CNTN4: variants seen among roughly 807,000 people sequenced by gnomAD.
The protein encoded by CNTN4 is contactin-4.
Under a neutral mutation model 122.5 loss-of-function variants are expected in CNTN4, and 77 were observed. That is an observed-to-expected ratio of 0.63 (90% CI 0.52 to 0.76). CNTN4 has a LOEUF of 0.76. Among genes scored for constraint, CNTN4 ranks in the 30% least tolerant of loss-of-function variants. The pLI, the probability that CNTN4 is intolerant of heterozygous loss-of-function variation, is 0.00. For synonymous variants in CNTN4, 512 were observed against 447.0 expected, an observed-to-expected ratio of 1.15 and a Z score of -1.83; for missense variants, 1,256 against 1,259.1, an observed-to-expected ratio of 1.00 and a Z score of 0.04.
intron 14 of CNTN4, among the ~76,000 whole-genome samples, chr3:2,992,507 T>G (rs1403546802): frequency 1.6e-4 from 24 of 152,188 alleles, no homozygotes; most frequent in Non-Finnish European, 4.4e-5. Flanking sequence ...TAAATCATGT[T>G]TATCTCTACA....
chr3:2,922,608 A>ATTTTTTT (rs547782541), intron 12 of CNTN4, among the ~76,000 whole-genome samples: 38 of 109,996 alleles, frequency 3.5e-4, no homozygotes, highest in African/African-American at 4.1e-4. Context: ...AAAGAACTTG[A>ATTTTTTT]TTTTTTTTTT....
At chr3:2,621,654 TTAAAAA>T (rs1248631925) in intron 4 of CNTN4, among the ~76,000 whole-genome samples, 1 of 151,902 alleles carries the variant, frequency 6.6e-6, no homozygotes, top group Admixed American at 6.6e-5. Context: ...AATAAAAAAA[TTAAAAA>T]TAAAACACCA....
Position 2,498,586 on chromosome 3 carries a change from C to G in CNTN4, c.-88-72830C>G, listed in dbSNP as rs553831463. Among the ~76,000 whole-genome samples, 13 of 151,900 alleles carry G rather than the reference C, an allele frequency of 8.6e-5. 1 individual carries two copies. In the South Asian group the frequency reaches 2.7e-3, roughly 32 times the overall value. On this transcript the variant is annotated intron_variant, in intron 3 of 24. Coordinates refer to ENST00000418658, the MANE Select transcript of CNTN4 (RefSeq NM_175607.3). Reference sequence around the variant, plus strand: ...GCCTTGGCCTCCCAGGCTCAAATGACCCTCCCACCTCAGCCTCCAGAGGAG... The same window carrying G: ...GCCTTGGCCTCCCAGGCTCAAATGAGCCTCCCACCTCAGCCTCCAGAGGAG...
chr3:2,214,871 A>T (rs1178518), intron 2 of CNTN4, among the ~76,000 whole-genome samples: 102,602 of 152,040 alleles, frequency 0.67, 34,840 homozygotes, highest in Non-Finnish European at 0.7. Flanking sequence ...ATTGGAGGTC[A>T]CTCAAAAAGA....
chr3:2,918,565 G>C (rs924649369), intron 12 of CNTN4, among the ~76,000 whole-genome samples: 2 of 152,200 alleles, frequency 1.3e-5, no homozygotes, highest in African/African-American at 2.4e-5. Flanking sequence ...CCAGCGTTCA[G>C]TGACTTCATG....
chr3:2,460,233 T>A (rs1559572127), intron 3 of CNTN4, among the ~76,000 whole-genome samples: 1 of 152,166 alleles, frequency 6.6e-6, no homozygotes, highest in African/African-American at 2.4e-5. Flanking sequence ...TATCCCTAGC[T>A]CAACCCTAAC....
At chr3:2,660,406 C>T (rs1489863692) in intron 4 of CNTN4, among the ~76,000 whole-genome samples, 1 of 152,096 alleles carries the variant, frequency 6.6e-6, no homozygotes, top group Non-Finnish European at 1.5e-5. Context: ...AAATAAACAG[C>T]GTGTGTTCAC....
intron 3 of CNTN4, among the ~76,000 whole-genome samples, chr3:2,561,149 T>C (rs2078936648): frequency 6.6e-6 from 1 of 152,064 alleles, no homozygotes; most frequent in African/African-American, 2.4e-5. Flanking sequence ...ATATATTAGG[T>C]ATTAGAGTGT....
At chr3:2,152,379 G>C (rs556915960) in intron 2 of CNTN4, among the ~76,000 whole-genome samples, 1 of 152,250 alleles carries the variant, frequency 6.6e-6, no homozygotes, top group Admixed American at 6.5e-5. Flanking sequence ...TGATTGAAAC[G>C]AGGTGCCGTC....
At chr3:2,651,773 G>A (rs1347008113) in intron 4 of CNTN4, among the ~76,000 whole-genome samples, 1 of 151,000 alleles carries the variant, frequency 6.6e-6, no homozygotes, top group Non-Finnish European at 1.5e-5. Flanking sequence ...TGCTATCTTG[G>A]CTCACTGCAA....
intron 11 of CNTN4, among the ~76,000 whole-genome samples, chr3:2,901,926 A>T (rs1160622651): frequency 6.6e-6 from 1 of 152,164 alleles, no homozygotes; most frequent in East Asian, 1.9e-4. Context: ...TTGCTTGAGG[A>T]TCAGCCTCCT....
chr3:2,717,407 T>C (rs2087562821), intron 4 of CNTN4, among the ~76,000 whole-genome samples: 1 of 152,200 alleles, frequency 6.6e-6, no homozygotes, highest in African/African-American at 2.4e-5. Context: ...TAAGTGCCCT[T>C]GGCTGGCGTT....
chr3:2,808,735 C>T (rs1354965011), intron 6 of CNTN4, among the ~76,000 whole-genome samples: 1 of 152,156 alleles, frequency 6.6e-6, no homozygotes, highest in African/African-American at 2.4e-5. Flanking sequence ...TGATTACATT[C>T]CAATTTTAAT....
chr3:2,567,973 C>T (rs11718965), intron 3 of CNTN4, among the ~76,000 whole-genome samples: 28,676 of 152,044 alleles, frequency 0.19, 2,819 homozygotes, highest in African/African-American at 0.24. Context: ...TTAGCACCTC[C>T]TGCTAAGTAA....
Position 2,877,603 on chromosome 3 carries a change from CT to C in CNTN4, c.653-5540del, listed in dbSNP as rs1404146783. ...TAGACTAAATTATATGTGTTCCTTA[CT>C]TCTACTTTGCCTTGGTTGTGTAGAC... On this transcript the variant is annotated intron_variant, in intron 8 of 24. Coordinates refer to ENST00000418658, the MANE Select transcript of CNTN4 (RefSeq NM_175607.3). Among the ~76,000 whole-genome samples the C allele has an allele frequency of 5.9e-5, 9 of 152,298 alleles. No homozygotes were observed. The East Asian group carries it at 1.3e-3, about 23-fold the overall frequency.
At chr3:2,262,737 T>C (rs2040886221) in intron 2 of CNTN4, among the ~76,000 whole-genome samples, 1 of 152,064 alleles carries the variant, frequency 6.6e-6, no homozygotes, top group Admixed American at 6.6e-5. Flanking sequence ...TATACTTAGT[T>C]AGGGTTAGAC....
intron 2 of CNTN4, among the ~76,000 whole-genome samples, chr3:2,197,184 A>G (rs1404282535): frequency 6.6e-6 from 1 of 152,074 alleles, no homozygotes; most frequent in Admixed American, 6.6e-5. Context: ...TCACTTCCCT[A>G]GTTCTCTCTT....
intron 3 of CNTN4, among the ~76,000 whole-genome samples, chr3:2,387,255 A>T (rs2046287768): frequency 6.6e-6 from 1 of 152,286 alleles, no homozygotes; most frequent in East Asian, 1.9e-4. Context: ...GCTTTTGGTA[A>T]TGCAAGGGTT....
At chr3:2,375,054 C>A (rs2045767034) in intron 3 of CNTN4, among the ~76,000 whole-genome samples, 1 of 152,180 alleles carries the variant, frequency 6.6e-6, no homozygotes, top group African/African-American at 2.4e-5. Flanking sequence ...AATATGATAT[C>A]TTAGAAAGTC....
Sources: gnomAD v4.1 joint callset for allele counts (sites outside exome capture counted in the v4.1 genomes callset) on GRCh38, gnomAD v4.1.1 for gene constraint, MANE v1.5 for transcripts, NCBI Gene and HGNC (gene_info 2026-07-23, HGNC 2026-07-21) for gene names.